The following ELOVL5 variants were observed in gnomAD, a reference collection of about 807,000 sequenced individuals.
The protein encoded by ELOVL5 is ELOVL fatty acid elongase 5.
Under a neutral mutation model 38.6 loss-of-function variants are expected in ELOVL5, and 8 were observed. The observed-to-expected ratio is 0.21, with a 90% CI of 0.12 to 0.37. The LOEUF is 0.37. Ranked by LOEUF, ELOVL5 falls within the 10% of genes least tolerant of loss-of-function variation. The pLI, the probability that ELOVL5 is intolerant of heterozygous loss-of-function variation, is 1.00. For synonymous variants in ELOVL5, 127 were observed against 133.7 expected, an observed-to-expected ratio of 0.95 and a Z score of 0.34; for missense variants, 280 against 367.8, an observed-to-expected ratio of 0.76 and a Z score of 1.95.
chr6:53,306,030 C>T (rs1404598593), intron 1 of ELOVL5, among the ~76,000 whole-genome samples: 1 of 151,604 alleles, frequency 6.6e-6, no homozygotes, highest in African/African-American at 2.4e-5. Context: ...AGCGAAACCC[C>T]GTCTCCACCA....
intron 3 of ELOVL5, 149 bp downstream of exon 3, chr6:53,291,627 T>TA (rs1766777472): frequency 2.1e-6 from 1 of 487,168 alleles, no homozygotes; most frequent in South Asian, 6.7e-5. Flanking sequence ...AAATCGATTT[T>TA]AAAACACACT....
rs75941920 is a variant in ELOVL5, at chr6:53,288,197, G to T, written c.246+3579C>A. 7.0e-3 allele frequency among the ~76,000 whole-genome samples: 1,064 copies of T among 152,254 alleles called. 9 individuals carry two copies. The highest frequency in any genetic ancestry group is 0.025 in the African/African-American group (1,023 of 41,528). The stretch of plus-strand genomic sequence containing the variant: ...CACCGTTTGGCACCATGTATGTAGA[G>T]GTTCTCAATTTTGGGACTGGAGACA... On this transcript the variant is annotated intron_variant, in intron 3 of 7. Coordinates refer to ENST00000304434, the MANE Select transcript of ELOVL5 (RefSeq NM_021814.5).
chr6:53,275,071 C>T lies in ELOVL5; in HGVS notation c.496+19G>A. 6.2e-7 allele frequency: 1 copy of T among 1,611,650 alleles called. No individual in the cohort carries two copies. Among genetic ancestry groups the T allele is most frequent in the South Asian group, 1.1e-5 (1 of 90,950 alleles). ...CCCTGCTCACACCTGTTCCCCAAGT[C>T]CCCGTCTCTAATACTTACAGTGGCC... On this transcript the variant is annotated intron_variant, in intron 5 of 7. Coordinates refer to ENST00000304434, the MANE Select transcript of ELOVL5 (RefSeq NM_021814.5).
chr6:53,297,579 T>C (rs1767060079), intron 1 of ELOVL5, among the ~76,000 whole-genome samples: 1 of 152,226 alleles, frequency 6.6e-6, no homozygotes, highest in Non-Finnish European at 1.5e-5. Context: ...GAAGTGCTCA[T>C]GTTCAGATAA....
chr6:53,272,104 TCA>T (rs1429596663), intron 6 of ELOVL5, among the ~76,000 whole-genome samples: 1 of 152,214 alleles, frequency 6.6e-6, no homozygotes, highest in Non-Finnish European at 1.5e-5. Flanking sequence ...TAAGATTTTC[TCA>T]GACTTTTTTT....
At chr6:53,337,043 T>G (rs940559648) in intron 1 of ELOVL5, 11 of 152,212 alleles carry the variant, frequency 7.2e-5, no homozygotes, top group African/African-American at 2.4e-4. Context: ...AGGGTGTCTT[T>G]GATCTCCTCG....
chr6:53,294,699 T>C (rs920338892), intron 2 of ELOVL5, among the ~76,000 whole-genome samples: 1 of 152,208 alleles, frequency 6.6e-6, no homozygotes, highest in African/African-American at 2.4e-5. Flanking sequence ...ATCTAACTTA[T>C]TCTTTTTTGT....
At chr6:53,298,693 C>T (rs189915570) in intron 1 of ELOVL5, among the ~76,000 whole-genome samples, 30 of 152,196 alleles carry the variant, frequency 2.0e-4, no homozygotes, top group African/African-American at 6.7e-4. Flanking sequence ...TGTCAACCAC[C>T]CACGGCTGTC....
At position 53,291,948 on chromosome 6, in the gene ELOVL5, C is replaced by T; in HGVS notation, c.74G>A (p.Gly25Glu). 1 of 1,559,844 alleles carries T rather than the reference C, an allele frequency of 6.4e-7. No homozygotes were observed. The highest frequency in any genetic ancestry group is 8.7e-7 in the Non-Finnish European group (1 of 1,148,934). The stretch of plus-strand genomic sequence containing the variant: ...TATATAATTGTCCAGAAGAAACCAT[C>T]CTTTTACTCTAGTATCTGAAAAATT... ...LLGPRDTRVK[G>E]WFLLDNYIPT... is the part of the protein sequence containing the mutation. Residue 25 changes from glycine (G) to glutamate (E), a missense_variant, in exon 3 of 8, where the codon GGA becomes GAA. Gly to Glu is a moderately conservative substitution (Grantham distance 98). Around this residue, in one of 3 missense-constraint regions of ELOVL5, gnomAD observed 150 missense variants for 178.0 expected, o/e 0.84. Transcript: ENST00000304434.
intron 3 of ELOVL5, among the ~76,000 whole-genome samples, chr6:53,282,362 G>A (rs1374114858): frequency 6.6e-6 from 1 of 152,250 alleles, no homozygotes; most frequent in East Asian, 1.9e-4. Flanking sequence ...AAGCTCTCCA[G>A]GTGTTGCAGG....
chr6:53,311,387 T>A (rs1281944205), intron 1 of ELOVL5, among the ~76,000 whole-genome samples: 1 of 152,246 alleles, frequency 6.6e-6, no homozygotes, highest in Non-Finnish European at 1.5e-5. Flanking sequence ...TTGGCGGGAC[T>A]GTCAAATGGT....
At chr6:53,293,370 T>G (rs1023218276) in intron 2 of ELOVL5, among the ~76,000 whole-genome samples, 22 of 152,200 alleles carry the variant, frequency 1.4e-4, no homozygotes, top group African/African-American at 4.8e-4. Context: ...CAGGCTGAAG[T>G]GCAGTGGCGT....
intron 2 of ELOVL5, chr6:53,294,269 C>A (rs773501352): frequency 2.3e-5 from 35 of 1,553,564 alleles, no homozygotes; most frequent in Non-Finnish European, 3.0e-5. Flanking sequence ...TCCTAACCCC[C>A]TCTGGTGGCT....
intron 5 of ELOVL5, among the ~76,000 whole-genome samples, 184 bp from the exon 6 acceptor site, chr6:53,273,528 G>C (rs1324884150): frequency 1.3e-5 from 2 of 152,334 alleles, no homozygotes; most frequent in East Asian, 3.9e-4. Context: ...TTTCCACTTG[G>C]GCAGGCAGCC....
chr6:53,344,243 T>TC (rs1201500198), intron 1 of ELOVL5, among the ~76,000 whole-genome samples: 1 of 152,208 alleles, frequency 6.6e-6, no homozygotes, highest in Non-Finnish European at 1.5e-5. Flanking sequence ...CAAAGCTCCC[T>TC]CTTCTCTTTG....
chr6:53,311,819 T>C (rs1489070789), intron 1 of ELOVL5, among the ~76,000 whole-genome samples: 1 of 152,134 alleles, frequency 6.6e-6, no homozygotes, highest in Non-Finnish European at 1.5e-5. Context: ...AACGAAGGAA[T>C]GGGAAGTGAC....
chr6:53,320,460 C>T (rs972107217), intron 1 of ELOVL5, among the ~76,000 whole-genome samples: 9 of 152,030 alleles, frequency 5.9e-5, no homozygotes, highest in East Asian at 3.9e-4. Context: ...CCTCAGCCTC[C>T]GAGTAGCTGG....
At position 53,314,773 on chromosome 6, in the gene ELOVL5, C is replaced by T. The variant is rs192226340; in HGVS notation, c.-8-19066G>A. Among the ~76,000 whole-genome samples, 3 of 152,234 alleles carry T rather than the reference C, an allele frequency of 2.0e-5. No homozygotes were observed. The East Asian group carries it at 5.8e-4, about 29-fold the overall frequency. On this transcript the variant is annotated intron_variant, in intron 1 of 7. Coordinates refer to ENST00000304434, the MANE Select transcript of ELOVL5 (RefSeq NM_021814.5). The stretch of plus-strand genomic sequence containing the variant: ...CTAACAACAGCTTAACACACACCCA[C>T]CCTTGAAAGGCAAGAACATTTTACT...
chr6:53,286,077 C>CT (rs1401016041), intron 3 of ELOVL5, among the ~76,000 whole-genome samples: 21 of 151,972 alleles, frequency 1.4e-4, no homozygotes, highest in African/African-American at 5.1e-4. Context: ...ACTAATGCTG[C>CT]AATATCTGAG....
Sources: gnomAD v4.1 joint callset for allele counts (sites outside exome capture counted in the v4.1 genomes callset) on GRCh38, gnomAD v4.1.1 for gene constraint, gnomAD v4.1.1 regional missense constraint, MANE v1.5 for transcripts, NCBI Gene and HGNC (gene_info 2026-07-23, HGNC 2026-07-21) for gene names.